MAPRE1: variants seen among roughly 807,000 people sequenced by gnomAD.
MAPRE1 encodes microtubule-associated protein RP/EB family member 1.
Under a neutral mutation model 32.1 loss-of-function variants are expected in MAPRE1, and 5 were observed. The observed-to-expected ratio is 0.16, with a 90% CI of 0.08 to 0.33. The LOEUF is 0.33. Among genes scored for constraint, MAPRE1 ranks in the 10% least tolerant of loss-of-function variants. The probability of loss-of-function intolerance (pLI) is 1.00; values close to 1 mark genes in which losing one functional copy is unlikely to be tolerated. For synonymous variants in MAPRE1, 122 were observed against 118.9 expected (o/e 1.03, Z -0.17); for missense variants, 209 against 327.2 (o/e 0.64, Z 2.79).
At chr20:32,843,846 C>G (rs764439657) in intron 5 of MAPRE1, among the ~76,000 whole-genome samples, 2 of 150,320 alleles carry the variant, frequency 1.3e-5, no homozygotes, top group Non-Finnish European at 3.0e-5. Context: ...TTACTAGCTA[C>G]AGGTTTTTTT....
At chr20:32,846,880 C>A in intron 6 of MAPRE1, 110 bp downstream of exon 6, 2 of 1,201,284 alleles carry the variant, frequency 1.7e-6, no homozygotes, top group Non-Finnish European at 2.4e-6. Flanking sequence ...AAGACTTCAT[C>A]TTTAACCCCT....
chr20:32,833,311 C>A (rs983336983), intron 2 of MAPRE1, among the ~76,000 whole-genome samples: 1 of 152,166 alleles, frequency 6.6e-6, no homozygotes, highest in African/African-American at 2.4e-5. Flanking sequence ...AAGGATGGAT[C>A]TTGGAAATTG....
chr20:32,832,533 C>T (rs1306970755), intron 2 of MAPRE1, among the ~76,000 whole-genome samples: 3 of 143,854 alleles, frequency 2.1e-5, no homozygotes, highest in Admixed American at 7.2e-5. Flanking sequence ...GTGATGTGAT[C>T]ATGGCTCACT....
At position 32,836,517 on chromosome 20, in the gene MAPRE1, T is replaced by G. The variant is rs1983206203; in HGVS notation, c.268-117T>G. On this transcript the variant is annotated intron_variant, in intron 3 of 6. Transcript: ENST00000375571. ...TAAATTTAGGGGCTTAGCCCTAAGG[T>G]CTCTAAAATATTTTTTTCTCCTTTT... 4.6e-6 allele frequency: 3 copies of G among 649,482 alleles called. No homozygotes were observed. The South Asian group carries it at 6.1e-5, about 13-fold the overall frequency. 40.2% of individuals were successfully genotyped at this position (649,482 alleles called of 1,614,324 possible). A position where few individuals can be genotyped will look rare whatever the true frequency, so the allele number is the denominator to read the frequency against.
intron 3 of MAPRE1, among the ~76,000 whole-genome samples, chr20:32,834,195 A>G (rs1983120691): frequency 6.6e-6 from 1 of 152,216 alleles, no homozygotes; most frequent in African/African-American, 2.4e-5. Flanking sequence ...TTACTTCTGT[A>G]AAAGCATACT....
chr20:32,843,849 G>GTTT (rs58476543), intron 5 of MAPRE1, among the ~76,000 whole-genome samples: 1 of 143,080 alleles, frequency 7.0e-6, no homozygotes, highest in Non-Finnish European at 1.5e-5. Context: ...CTAGCTACAG[G>GTTT]TTTTTTTTTT....
chr20:32,843,654 A>G lies in MAPRE1; in HGVS notation c.598-2964A>G, dbSNP rs1372947353. On this transcript the variant is annotated intron_variant, in intron 5 of 6. Coordinates refer to ENST00000375571, the MANE Select transcript of MAPRE1 (RefSeq NM_012325.3). ...ATTTGAAGACTCTGCTAGGTCTTTG[A>G]AATCAGGTGTGTATGTGATACTTGT... is the stretch of plus-strand genomic sequence containing the variant. 10 of 152,334 alleles carry G rather than the reference A, an allele frequency of 6.6e-5. No homozygotes were observed. The East Asian group carries it at 1.9e-3, about 29-fold the overall frequency. The allele number at this position is 152,334 out of a possible 1,614,324, so 9.4% of individuals were successfully genotyped here. A position where few individuals can be genotyped will look rare whatever the true frequency, so the allele number is the denominator to read the frequency against.
chr20:32,847,648 G>T lies in MAPRE1; in HGVS notation c.750+878G>T, dbSNP rs1600337073. On this transcript the variant is annotated intron_variant, in intron 6 of 6. Coordinates refer to ENST00000375571, the MANE Select transcript of MAPRE1 (RefSeq NM_012325.3). ...AAAAAAAGACAACGAAGATATAGGG[G>T]GTCCTTGGTTTAGTCTGAGTATTAT... Among the ~76,000 whole-genome samples, 5 of 152,270 alleles carry T rather than the reference G, an allele frequency of 3.3e-5. No homozygotes were observed. In the South Asian group the frequency reaches 1.0e-3, roughly 32 times the overall value.
chr20:32,834,349 G>T (rs1051262822), intron 3 of MAPRE1, among the ~76,000 whole-genome samples: 3 of 152,144 alleles, frequency 2.0e-5, no homozygotes, highest in African/African-American at 7.2e-5. Context: ...CTCCGTGGTG[G>T]GTGCTGGAAA....
At chr20:32,843,939 T>C (rs1025784602) in intron 5 of MAPRE1, among the ~76,000 whole-genome samples, 3 of 151,598 alleles carry the variant, frequency 2.0e-5, no homozygotes, top group Non-Finnish European at 4.4e-5. Context: ...CTGCAACCTC[T>C]GTCTCTCAGG....
chr20:32,839,276 C>T (rs1245650690), intron 4 of MAPRE1, among the ~76,000 whole-genome samples: 2 of 152,154 alleles, frequency 1.3e-5, no homozygotes, highest in Non-Finnish European at 2.9e-5. Context: ...ACTGTGTGCT[C>T]ATGTCTAGCG....
intron 3 of MAPRE1, among the ~76,000 whole-genome samples, chr20:32,835,477 C>G (rs1480651334): frequency 6.6e-6 from 1 of 150,794 alleles, no homozygotes; most frequent in Non-Finnish European, 1.5e-5. Context: ...GCCCTGCCCC[C>G]AGCAAGCATG....
At chr20:32,845,158 A>T (rs1162290679) in intron 5 of MAPRE1, among the ~76,000 whole-genome samples, 1 of 152,164 alleles carries the variant, frequency 6.6e-6, no homozygotes, top group Non-Finnish European at 1.5e-5. Context: ...TTCCTGCTTC[A>T]GCCTCTTAAG....
chr20:32,836,186 C>G (rs1048285549), intron 3 of MAPRE1, among the ~76,000 whole-genome samples: 2 of 152,126 alleles, frequency 1.3e-5, no homozygotes, highest in African/African-American at 4.8e-5. Context: ...GTCTCAAACT[C>G]TTGCCCGCCT....
chr20:32,839,853 G>T lies in MAPRE1; in HGVS notation c.594G>T (p.Gln198His), dbSNP rs1472099855. The T allele has an allele frequency of 1.2e-6, 2 of 1,614,116 alleles. No homozygotes were observed. Among genetic ancestry groups the T allele is most frequent in the East Asian group, 2.2e-5 (1 of 44,882 alleles). The change falls in exon 5 of 7, where the codon CAG becomes CAT. Residue 198 changes from glutamine (Q) to histidine (H), a missense_variant. Gln to His is a conservative substitution (Grantham distance 24, BLOSUM62 0). Coordinates refer to ENST00000375571, the MANE Select transcript of MAPRE1 (RefSeq NM_012325.3). The part of the protein sequence containing the change: ...NGDDEAAELM[Q>H]QVNVLKLTVE... The stretch of plus-strand genomic sequence containing the variant: ...ACGACGAGGCAGCTGAGTTGATGCA[G>T]CAGGTGGGCACCCCTGTGTTTAGCA...
At chr20:32,828,081 C>T (rs6119288) in intron 2 of MAPRE1, among the ~76,000 whole-genome samples, 2,045 of 152,010 alleles carry the variant, frequency 0.013, 45 homozygotes, top group African/African-American at 0.047. Context: ...ATGGAGGCTA[C>T]GTGTGAAGCT....
rs35343459 is a variant in MAPRE1 at position 32,844,989 on chromosome 20, C to CTGTATGTA, written c.598-1590_598-1583dup. 8.6e-3 allele frequency among the ~76,000 whole-genome samples: 1,289 copies of CTGTATGTA among 150,412 alleles called. 11 individuals are homozygous for CTGTATGTA. The highest frequency in any genetic ancestry group is 0.02 in the East Asian group (101 of 5,052). The stretch of plus-strand genomic sequence containing the variant: ...TGCCGGCCACCAGGCAGTAGCTGTA[C>CTGTATGTA]TGTATGTATGTATGTATGTATGTAT... On this transcript the variant is annotated intron_variant, in intron 5 of 6. Coordinates refer to ENST00000375571, the MANE Select transcript of MAPRE1 (RefSeq NM_012325.3).
intron 2 of MAPRE1, among the ~76,000 whole-genome samples, chr20:32,833,163 C>G (rs985453482): frequency 6.6e-6 from 1 of 151,994 alleles, no homozygotes; most frequent in African/African-American, 2.4e-5. Flanking sequence ...GATTGTGCCA[C>G]TGCACTCCAG....
At chr20:32,832,659 G>A (rs910352030) in intron 2 of MAPRE1, among the ~76,000 whole-genome samples, 1 of 151,686 alleles carries the variant, frequency 6.6e-6, no homozygotes, top group African/African-American at 2.4e-5. Flanking sequence ...GTAGAGACAG[G>A]GTTTCACCAT....
Sources: gnomAD v4.1 joint callset for allele counts (sites outside exome capture counted in the v4.1 genomes callset) on GRCh38, gnomAD v4.1.1 for gene constraint, MANE v1.5 for transcripts, NCBI Gene and HGNC (gene_info 2026-07-23, HGNC 2026-07-21) for gene names.